The following LPO variants were observed in gnomAD, a reference collection of about 807,000 sequenced individuals.
LPO encodes the protein lactoperoxidase, also known as salivary peroxidase.
In LPO, 70 loss-of-function variants were observed where a neutral mutation model predicts 68.4. That is an observed-to-expected ratio of 1.02 (90% CI 0.84 to 1.25). LPO has a LOEUF of 1.25. Ranked by LOEUF, LPO falls within the 50% of genes most tolerant of loss-of-function variation. The pLI, the probability that LPO is intolerant of heterozygous loss-of-function variation, is 0.00. For synonymous variants in LPO, 360 were observed against 357.6 expected, an observed-to-expected ratio of 1.01 and a Z score of -0.08; for missense variants, 873 against 908.4, an observed-to-expected ratio of 0.96 and a Z score of 0.50.
intron 2 of LPO, 115 bp from the exon 3 acceptor site, chr17:58,243,879 T>C (rs1969804307): frequency 1.4e-6 from 1 of 702,810 alleles, no homozygotes; most frequent in South Asian, 1.6e-5. Context: ...ATCTCCTGCC[T>C]ACCCAGATTT....
chr17:58,255,053 AG>A, intron 9 of LPO, 82 bp downstream of exon 9: 1 of 1,469,518 alleles, frequency 6.8e-7, no homozygotes, highest in Non-Finnish European at 9.3e-7. Context: ...GCTGTGCCTC[AG>A]GCTCTCTCCT....
Position 58,253,829 on chromosome 17 carries a change from G to A in LPO, c.1106-982G>A, listed in dbSNP as rs566450862. On this transcript the variant is annotated intron_variant, in intron 8 of 12. Coordinates refer to ENST00000262290, the MANE Select transcript of LPO (RefSeq NM_006151.3). The stretch of plus-strand genomic sequence containing the variant: ...ATTTACAATTTTAAATAGATTTCCT[G>A]GCCTGGTGCAGTGGCTCATGCCTGT... Among the ~76,000 whole-genome samples, 6 of 152,210 alleles carry A rather than the reference G, an allele frequency of 3.9e-5. No individual in the cohort carries two copies. In the South Asian group the frequency reaches 1.2e-3, roughly 32 times the overall value.
chr17:58,263,285 A>G (rs1970205257), intron 9 of LPO, among the ~76,000 whole-genome samples: 1 of 152,192 alleles, frequency 6.6e-6, no homozygotes, highest in Non-Finnish European at 1.5e-5. Context: ...TAAAATTTTT[A>G]TCAGATAATT....
intron 2 of LPO, chr17:58,243,706 G>T: frequency 2.0e-6 from 1 of 489,902 alleles, no homozygotes; most frequent in Non-Finnish European, 3.7e-6. Context: ...CAGTCCAGTA[G>T]CCCAAGCCAC....
At chr17:58,241,024 A>C (rs1969745162) in intron 1 of LPO, among the ~76,000 whole-genome samples, 1 of 152,118 alleles carries the variant, frequency 6.6e-6, no homozygotes, top group South Asian at 2.1e-4. Context: ...GCAACATGTG[A>C]ATATACCTAA....
At chr17:58,253,092 C>T (rs991420048) in intron 8 of LPO, among the ~76,000 whole-genome samples, 3 of 151,290 alleles carry the variant, frequency 2.0e-5, no homozygotes, top group Admixed American at 6.6e-5. Flanking sequence ...TTCACACAAT[C>T]CCACTACCCA....
chr17:58,254,972 G>A lies in LPO; in HGVS notation c.1266+1G>A. On this transcript the variant is annotated splice_donor_variant, in intron 9 of 12. Transcript: ENST00000262290. LOFTEE classifies it high-confidence loss of function. The stretch of plus-strand genomic sequence containing the variant: ...GAAAATCCTGGGAGCCTTCGTGCAG[G>A]TAGGGAGTCCCAGGAGCACTGTCAC... 1 of 1,613,576 alleles carries A rather than the reference G, an allele frequency of 6.2e-7. No individual in the cohort carries two copies. The highest frequency in any genetic ancestry group is 8.5e-7 in the Non-Finnish European group (1 of 1,179,686).
chr17:58,261,585 C>A (rs527266518), intron 9 of LPO, among the ~76,000 whole-genome samples: 8 of 151,716 alleles, frequency 5.3e-5, no homozygotes, highest in Non-Finnish European at 1.0e-4. Flanking sequence ...CAATCTCTGA[C>A]CTTTAGTAAT....
rs566776499 is a variant in LPO, at chr17:58,254,694, T to C, written c.1106-117T>C. Reference sequence around the variant, plus strand: ...TTCACCTGACGGGAAGTAGGGCTTGTTGACGGGGCGGGGGGGGCGGGGCGC... The same window carrying C: ...TTCACCTGACGGGAAGTAGGGCTTGCTGACGGGGCGGGGGGGGCGGGGCGC... On this transcript the variant is annotated intron_variant, in intron 8 of 12. Coordinates refer to ENST00000262290, the MANE Select transcript of LPO (RefSeq NM_006151.3). 5.6e-4 allele frequency: 537 copies of C among 956,782 alleles called. 3 individuals are homozygous for C. The highest frequency in any genetic ancestry group is 2.3e-3 in the South Asian group (134 of 58,494). 59.3% of individuals were successfully genotyped at this position (956,782 alleles called of 1,614,324 possible).
chr17:58,242,778 T>G, intron 1 of LPO, 200 bp from the exon 2 acceptor site: 1 of 525,632 alleles, frequency 1.9e-6, no homozygotes, highest in Non-Finnish European at 3.4e-6. Flanking sequence ...CCACCATGTC[T>G]TCTCCTCTTT....
rs371935176 is a variant in LPO, at chr17:58,252,222, G to A, written c.821G>A (p.Cys274Tyr). Residue 274 changes from cysteine to tyrosine, a missense_variant, in exon 8 of 13, where the codon TGC becomes TAC. Physicochemically the swap from Cys to Tyr is radical, Grantham distance 194. Transcript: ENST00000262290. ...CCCAAGGCGGGGACTCAAGGGAAATGCATGCCTTTCTTCCGAGCTGGGTTC... is the reference window on the plus strand; with the variant it reads ...CCCAAGGCGGGGACTCAAGGGAAATACATGCCTTTCTTCCGAGCTGGGTTC... ...NDPKAGTQGK[C>Y]MPFFRAGFVC... 9.9e-6 allele frequency: 16 copies of A among 1,614,012 alleles called. No individual in the cohort carries two copies. The Admixed American group carries it at 1.2e-4, about 12-fold the overall frequency.
At chr17:58,266,635 T>A (rs538601392) in intron 11 of LPO, among the ~76,000 whole-genome samples, 120 of 152,048 alleles carry the variant, frequency 7.9e-4, no homozygotes, top group African/African-American at 2.6e-3. Flanking sequence ...TTTTTTTTTT[T>A]AAATATAGAC....
At chr17:58,252,068 G>C in intron 7 of LPO, 114 bp from the exon 8 acceptor site, 1 of 905,546 alleles carries the variant, frequency 1.1e-6, no homozygotes, top group Non-Finnish European at 1.8e-6. Context: ...TCTGGTACCA[G>C]GGTCCTAGGA....
At position 58,241,191 on chromosome 17, in the gene LPO, G is replaced by A. The variant is rs8178284; in HGVS notation, c.-2-1787G>A. ...AGTGGCGCAATCTTGGCTCACTGCA[G>A]CCTCCACCTCCCAGGTTCAAGGGAT... On this transcript the variant is annotated intron_variant, in intron 1 of 12. Transcript: ENST00000262290. Among the ~76,000 whole-genome samples the A allele has an allele frequency of 6.0e-3, 811 of 134,070 alleles. 9 individuals carry two copies. The highest frequency in any genetic ancestry group is 0.02 in the African/African-American group (722 of 35,246). The allele number at this position is 134,070 out of a possible 152,430, so 88.0% of individuals were successfully genotyped here.
Position 58,267,923 on chromosome 17 carries a change from C to A in LPO, c.2068C>A (p.Pro690Thr), listed in dbSNP as rs773012302. 11 of 1,614,068 alleles carry A rather than the reference C, an allele frequency of 6.8e-6. No individual in the cohort carries two copies. In the South Asian group the frequency reaches 8.8e-5, roughly 13 times the overall value. ...GGACCCATTCTGGGCCAACAGCTAC[C>A]CCTATGACTTCGTGGATTGCTCAGC... is the stretch of plus-strand genomic sequence containing the variant. The part of the protein sequence containing the change: ...PRDPFWANSY[P>T]YDFVDCSAID... The change falls in exon 13 of 13, where the codon CCC (proline) becomes ACC (threonine). Residue 690 changes from proline to threonine, a missense_variant. Coordinates refer to ENST00000262290, the MANE Select transcript of LPO (RefSeq NM_006151.3).
chr17:58,254,874 A>G lies in LPO; in HGVS notation c.1169A>G (p.His390Arg), dbSNP rs1157338262. ...ATSHTLFLRE[H>R]NRLARELKRL... Reference sequence around the variant, plus strand: ...TCCCACACCCTCTTTCTCCGCGAGCATAACCGGCTGGCCAGAGAACTAAAG... The same window carrying G: ...TCCCACACCCTCTTTCTCCGCGAGCGTAACCGGCTGGCCAGAGAACTAAAG... Residue 390 changes from histidine to arginine, a missense_variant, in exon 9 of 13, where the codon CAT becomes CGT. Transcript: ENST00000262290. 3 of 1,614,052 alleles carry G rather than the reference A, an allele frequency of 1.9e-6. No homozygotes were observed. Among genetic ancestry groups the G allele is most frequent in the African/African-American group, 2.7e-5 (2 of 74,910 alleles).
chr17:58,247,054 T>C (rs141262290), intron 3 of LPO, among the ~76,000 whole-genome samples: 119 of 152,322 alleles, frequency 7.8e-4, no homozygotes, highest in African/African-American at 2.7e-3. Flanking sequence ...GAAATTGTGA[T>C]TTCCAGTTCA....
At position 58,259,976 on chromosome 17, in the gene LPO, C is replaced by T. The variant is rs180871345; in HGVS notation, c.1267-4746C>T. Among the ~76,000 whole-genome samples the T allele has an allele frequency of 6.6e-5, 10 of 152,220 alleles. No homozygotes were observed. The East Asian group carries it at 1.4e-3, about 21-fold the overall frequency. The stretch of plus-strand genomic sequence containing the variant: ...GATTACAGGCGCCCGCCACCATGCC[C>T]GGCTAATTTCTGTATTTTAGTAGAG... On this transcript the variant is annotated intron_variant, in intron 9 of 12. Transcript: ENST00000262290.
rs147439716 is a variant in LPO at position 58,252,242 on chromosome 17, G to A, written c.841G>A (p.Gly281Arg). ...GAAATGCATGCCTTTCTTCCGAGCT[G>A]GGTTCGTCTGCCCCACTCCACCCTA... ...QGKCMPFFRAGFVCPTPPYKS... is the reference protein window; with the variant it reads ...QGKCMPFFRARFVCPTPPYKS... The change falls in exon 8 of 13, where the codon GGG (glycine) becomes AGG (arginine). Residue 281 changes from glycine (G) to arginine (R), a missense_variant. Gly to Arg is a moderately radical substitution (Grantham distance 125). Transcript: ENST00000262290. 12 of 1,614,038 alleles carry A rather than the reference G, an allele frequency of 7.4e-6. No homozygotes were observed. The highest frequency in any genetic ancestry group is 8.5e-6 in the Non-Finnish European group (10 of 1,180,040).
Sources: allele counts gnomAD v4.1 joint callset (sites outside exome capture counted in the v4.1 genomes callset), GRCh38; gene constraint gnomAD v4.1.1; transcripts MANE v1.5; gene names NCBI Gene and HGNC (gene_info 2026-07-23, HGNC 2026-07-21).